Variants in NKAIN3 observed in about 807,000 individuals in gnomAD.
The protein encoded by NKAIN3 is sodium/potassium-transporting ATPase subunit beta-1-interacting protein 3.
Under a neutral mutation model 30.2 loss-of-function variants are expected in NKAIN3, and 25 were observed. The observed-to-expected ratio is 0.83, with a 90% confidence interval of 0.60 to 1.16. The LOEUF (loss-of-function observed/expected upper bound fraction) is 1.16. NKAIN3 is among the 50% of genes most tolerant of loss of function. NKAIN3 has a pLI of 0.00. For missense variants in NKAIN3, 225 were observed against 254.1 expected (o/e 0.89, Z 0.78); for synonymous variants, 91 against 89.6 (o/e 1.02, Z -0.09).
intron 3 of NKAIN3, among the ~76,000 whole-genome samples, chr8:62,600,364 G>A (rs965293375): frequency 6.6e-6 from 1 of 151,992 alleles, no homozygotes; most frequent in African/African-American, 2.4e-5. Context: ...TTATAGGCAG[G>A]GGACAGGGGA....
At chr8:62,545,673 A>C (rs1217583941) in intron 1 of NKAIN3, among the ~76,000 whole-genome samples, 2 of 152,202 alleles carry the variant, frequency 1.3e-5, no homozygotes, top group African/African-American at 4.8e-5. Flanking sequence ...ATGTGCAATA[A>C]TTTATGTAAA....
chr8:62,578,817 T>A (rs1810202280), intron 1 of NKAIN3, among the ~76,000 whole-genome samples: 1 of 152,030 alleles, frequency 6.6e-6, no homozygotes, highest in African/African-American at 2.4e-5. Flanking sequence ...TTCTCCCACT[T>A]ATTTGTGGGA....
chr8:62,285,665 C>CATCTGAT (rs1429986978), intron 1 of NKAIN3, among the ~76,000 whole-genome samples: 2 of 152,134 alleles, frequency 1.3e-5, no homozygotes, highest in Non-Finnish European at 2.9e-5. Context: ...GATGTCACCA[C>CATCTGAT]GTGAATTTAG....
At chr8:62,810,603 T>C (rs974115478) in intron 4 of NKAIN3, among the ~76,000 whole-genome samples, 5 of 151,984 alleles carry the variant, frequency 3.3e-5, no homozygotes, top group Non-Finnish European at 5.9e-5. Flanking sequence ...ATTTACCATA[T>C]TATGTATGCA....
chr8:62,388,504 CAGAA>C lies in NKAIN3; in HGVS notation c.54+139378_54+139381del, dbSNP rs1236652627. The stretch of plus-strand genomic sequence containing the variant: ...ATATGTGGTAACAAATGGGGATGGG[CAGAA>C]CTGCCAAGCATATGTGGATTAACTA... On this transcript the variant is annotated intron_variant, in intron 1 of 6. Transcript: ENST00000623646. 1.8e-4 allele frequency among the ~76,000 whole-genome samples: 27 copies of C among 152,186 alleles called. 1 individual carries two copies. The highest frequency in any genetic ancestry group is 6.3e-3 in the Middle Eastern group (2 of 316).
At chr8:62,629,690 T>C (rs557436731) in intron 3 of NKAIN3, among the ~76,000 whole-genome samples, 1 of 152,288 alleles carries the variant, frequency 6.6e-6, no homozygotes, top group South Asian at 2.1e-4. Flanking sequence ...AAATAGTTAA[T>C]GTAAAATCAT....
chr8:62,751,718 T>G (rs1488850672), intron 4 of NKAIN3, among the ~76,000 whole-genome samples: 1 of 152,172 alleles, frequency 6.6e-6, no homozygotes, highest in Non-Finnish European at 1.5e-5. Flanking sequence ...TATGTGTGCA[T>G]ATATATACTA....
In NKAIN3 at chr8:62,967,075, A is replaced by C. The variant is rs572198141; in HGVS notation, c.*1668A>C. On this transcript the variant is annotated 3_prime_UTR_variant, in exon 7 of 7. Coordinates refer to ENST00000623646, the MANE Select transcript of NKAIN3 (RefSeq NM_001304533.3). ...CCATTGGTACCCACAAACTCCCATT[A>C]CTTTTTTTTCTGCTTAATAAATCCA... Among the ~76,000 whole-genome samples the C allele has an allele frequency of 1.3e-5, 2 of 152,206 alleles. No individual in the cohort carries two copies. The highest frequency in any genetic ancestry group is 4.2e-4 in the South Asian group (2 of 4,804).
At chr8:62,798,611 T>G (rs973696562) in intron 4 of NKAIN3, among the ~76,000 whole-genome samples, 13 of 151,788 alleles carry the variant, frequency 8.6e-5, no homozygotes, top group Non-Finnish European at 1.3e-4. Flanking sequence ...AAAATAAAAG[T>G]AGAATTATGC....
At chr8:62,748,380 G>C (rs149693353) in intron 4 of NKAIN3, among the ~76,000 whole-genome samples, 1 of 152,146 alleles carries the variant, frequency 6.6e-6, no homozygotes, top group Non-Finnish European at 1.5e-5. Flanking sequence ...CAGGCAACAA[G>C]GTAGCTGAAT....
At chr8:62,465,740 T>A (rs976360811) in intron 1 of NKAIN3, among the ~76,000 whole-genome samples, 1 of 152,148 alleles carries the variant, frequency 6.6e-6, no homozygotes, top group Non-Finnish European at 1.5e-5. Flanking sequence ...GATACTTTCA[T>A]TTTAGGGCAC....
At chr8:62,574,348 G>A (rs533852724) in intron 1 of NKAIN3, among the ~76,000 whole-genome samples, 9 of 152,184 alleles carry the variant, frequency 5.9e-5, no homozygotes, top group Admixed American at 4.6e-4. Context: ...TGCAATAAAC[G>A]TGGGAGTACA....
chr8:62,994,961 G>T (rs1804072804), intron 5 of NKAIN3, among the ~76,000 whole-genome samples: 1 of 152,120 alleles, frequency 6.6e-6, no homozygotes, highest in African/African-American at 2.4e-5. Context: ...TTTGTCATTT[G>T]GGATCTAAAT....
chr8:62,263,256 G>A (rs546504008), intron 1 of NKAIN3, among the ~76,000 whole-genome samples: 34 of 152,144 alleles, frequency 2.2e-4, no homozygotes, highest in Middle Eastern at 3.4e-3. Flanking sequence ...CTACCAAATA[G>A]AGGTTTAAAA....
chr8:62,810,830 A>T (rs1818462994), intron 4 of NKAIN3, among the ~76,000 whole-genome samples: 1 of 152,102 alleles, frequency 6.6e-6, no homozygotes, highest in Admixed American at 6.6e-5. Context: ...TTTAAATTAA[A>T]CTTTAAAAAT....
Position 62,976,702 on chromosome 8 carries a change from T to G in NKAIN3, c.*11295T>G, listed in dbSNP as rs1823948898. ...TTTACATTTAAGGTTAATATTGTTA[T>G]GTGTGAATTTGATTCTGTCATTATG... On this transcript the variant is annotated 3_prime_UTR_variant, in exon 7 of 7. Transcript: ENST00000623646. Among the ~76,000 whole-genome samples the G allele has an allele frequency of 6.6e-6, 1 of 152,238 alleles. No individual in the cohort carries two copies.
chr8:62,994,787 G>T (rs184346559), intron 5 of NKAIN3, among the ~76,000 whole-genome samples: 50 of 152,228 alleles, frequency 3.3e-4, no homozygotes, highest in African/African-American at 1.2e-3. Flanking sequence ...GGAAAATCTA[G>T]GTTTTCCCTT....
chr8:62,963,088 T>G (rs1358059437), intron 6 of NKAIN3, among the ~76,000 whole-genome samples: 3 of 152,166 alleles, frequency 2.0e-5, no homozygotes, highest in Non-Finnish European at 1.5e-5. Flanking sequence ...AGACGGGGTT[T>G]CACCATTTTG....
intron 1 of NKAIN3, among the ~76,000 whole-genome samples, chr8:62,363,768 C>T (rs1816636724): frequency 6.6e-6 from 1 of 152,100 alleles, no homozygotes; most frequent in African/African-American, 2.4e-5. Flanking sequence ...ATAAGCTACC[C>T]CTTGAGCAAT....
Sources: gnomAD v4.1 joint callset for allele counts (sites outside exome capture counted in the v4.1 genomes callset) on GRCh38, gnomAD v4.1.1 for gene constraint, MANE v1.5 for transcripts, NCBI Gene and HGNC (gene_info 2026-07-23, HGNC 2026-07-21) for gene names.